Variants in RFTN1 observed in about 807,000 individuals in gnomAD.
RFTN1 encodes raftlin.
In RFTN1, 26 loss-of-function variants were observed where a neutral mutation model predicts 46.5. The ratio of observed to expected loss-of-function variants is 0.56; its 90% confidence interval spans 0.41 to 0.78. The LOEUF is 0.78. Ranked by LOEUF, RFTN1 falls within the 30% of genes least tolerant of loss-of-function variation. The pLI is 0.00. For synonymous variants in RFTN1, 261 were observed against 284.2 expected (o/e 0.92, Z 0.82); for missense variants, 693 against 718.7 (o/e 0.96, Z 0.41).
rs2076093603 is a variant in RFTN1 at position 16,466,446 on chromosome 3, C to T, written c.145+27279G>A. On this transcript the variant is annotated intron_variant, in intron 2 of 9. Coordinates refer to ENST00000334133, the MANE Select transcript of RFTN1 (RefSeq NM_015150.2). This position sits in a 1 kb window ranked among gnomAD's most constrained non-coding sequence, Gnocchi z 5.6. ...GAAGTGACCTCCAACATCATATACTCCAAATTCCTCAACTGGTGGTTCATG... is the reference window on the plus strand; with the variant it reads ...GAAGTGACCTCCAACATCATATACTTCAAATTCCTCAACTGGTGGTTCATG... Among the ~76,000 whole-genome samples, 1 of 152,160 alleles carries T rather than the reference C, an allele frequency of 6.6e-6. No individual in the cohort carries two copies. Among genetic ancestry groups the T allele is most frequent in the African/African-American group, 2.4e-5 (1 of 41,434 alleles).
chr3:16,397,973 G>T (rs182529509), intron 4 of RFTN1, among the ~76,000 whole-genome samples: 1 of 152,254 alleles, frequency 6.6e-6, no homozygotes, highest in East Asian at 1.9e-4. Flanking sequence ...TGGGCCGGGC[G>T]CGGTGGCTCA....
chr3:16,482,850 T>G, intron 2 of RFTN1: 1 of 1,535,710 alleles, frequency 6.5e-7, no homozygotes, highest in Non-Finnish European at 8.7e-7. Flanking sequence ...GCCATGAAGA[T>G]GAAGGACTGT....
Position 16,421,643 on chromosome 3 carries a change from C to T in RFTN1, c.333-12160G>A, listed in dbSNP as rs540326630. Among the ~76,000 whole-genome samples the T allele has an allele frequency of 6.6e-6, 1 of 152,306 alleles. No homozygotes were observed. The highest frequency in any genetic ancestry group is 2.4e-5 in the African/African-American group (1 of 41,570). ...GGGATTACAGGTGTGAGCCACCACG[C>T]CCAGCCCAACATTGGTGTTTTAATC... On this transcript the variant is annotated intron_variant, in intron 3 of 9. Transcript: ENST00000334133. This position sits in a 1 kb window ranked among gnomAD's most constrained non-coding sequence, Gnocchi z 4.6.
At position 16,448,048 on chromosome 3, in the gene RFTN1, A is replaced by C. The variant is rs1311351744; in HGVS notation, c.146-14011T>G. Among the ~76,000 whole-genome samples, 1 of 151,922 alleles carries C rather than the reference A, an allele frequency of 6.6e-6. No homozygotes were observed. The highest frequency in any genetic ancestry group is 2.4e-5 in the African/African-American group (1 of 41,338). ...CACCAGCCACATGTGGCTATCGAGC[A>C]TCTGAAATGTGGCCAGTGTGATTGA... is the stretch of plus-strand genomic sequence containing the variant. On this transcript the variant is annotated intron_variant, in intron 2 of 9. Transcript: ENST00000334133. The surrounding 1 kb of genome is among the most constrained non-coding windows in gnomAD (Gnocchi z 4.1).
intron 4 of RFTN1, among the ~76,000 whole-genome samples, chr3:16,405,023 T>C (rs2074818150): frequency 6.6e-6 from 1 of 152,162 alleles, no homozygotes; most frequent in Non-Finnish European, 1.5e-5. Context: ...AACTTCAAAG[T>C]GCTCTCCAAA....
Position 16,448,537 on chromosome 3 carries a change from T to C in RFTN1, c.146-14500A>G, listed in dbSNP as rs2075772418. 6.6e-6 allele frequency among the ~76,000 whole-genome samples: 1 copy of C among 152,204 alleles called. No homozygotes were observed. The highest frequency in any genetic ancestry group is 1.5e-5 in the Non-Finnish European group (1 of 68,038). On this transcript the variant is annotated intron_variant, in intron 2 of 9. Coordinates refer to ENST00000334133, the MANE Select transcript of RFTN1 (RefSeq NM_015150.2). The surrounding 1 kb of genome is among the most constrained non-coding windows in gnomAD (Gnocchi z 4.1). ...CAATGTGGGATCAAAAGAGTAACCT[T>C]CCTTGAAGCACATTAAATTTTTTTT...
At position 16,337,265 on chromosome 3, in the gene RFTN1, C is replaced by T. The variant is rs1020810452; in HGVS notation, c.1147-10389G>A. 2.0e-5 allele frequency: 3 copies of T among 152,120 alleles called. No homozygotes were observed. Among genetic ancestry groups the T allele is most frequent in the Non-Finnish European group, 4.4e-5 (3 of 68,034 alleles). The allele number at this position is 152,120 out of a possible 1,614,324, so 9.4% of individuals were successfully genotyped here. On this transcript the variant is annotated intron_variant, in intron 7 of 9. Coordinates refer to ENST00000334133, the MANE Select transcript of RFTN1 (RefSeq NM_015150.2). This position sits in a 1 kb window ranked among gnomAD's most constrained non-coding sequence, Gnocchi z 5.0. ...CCTGCAGGCACATGCTGAGATTAGT[C>T]GATTTCCTAAAAGTTGAAGGAAAAA...
At position 16,342,269 on chromosome 3, in the gene RFTN1, A is replaced by C. The variant is rs190856717; in HGVS notation, c.1147-15393T>G. On this transcript the variant is annotated intron_variant, in intron 7 of 9. Coordinates refer to ENST00000334133, the MANE Select transcript of RFTN1 (RefSeq NM_015150.2). This position sits in a 1 kb window ranked among gnomAD's most constrained non-coding sequence, Gnocchi z 4.0. ...CTCTATGCACTTGCCTCACCTGGAT[A>C]TTTCATATAAATGGATTCATATAAT... 6.6e-6 allele frequency among the ~76,000 whole-genome samples: 1 copy of C among 152,132 alleles called. No individual in the cohort carries two copies. Among genetic ancestry groups the C allele is most frequent in the East Asian group, 1.9e-4 (1 of 5,180 alleles).
intron 3 of RFTN1, among the ~76,000 whole-genome samples, chr3:16,423,143 G>T (rs1158576423): frequency 6.6e-6 from 1 of 151,540 alleles, no homozygotes; most frequent in Non-Finnish European, 1.5e-5. Flanking sequence ...ACTCCAGCCT[G>T]GGTGACAGAG....
chr3:16,438,585 CAAAAAAAAAAAAAAA>C (rs61019061), intron 2 of RFTN1, among the ~76,000 whole-genome samples: 18 of 30,448 alleles, frequency 5.9e-4, no homozygotes, highest in African/African-American at 8.7e-4. Context: ...AACTCTGTCT[CAAAAAAAAAAAAAAA>C]AAAAAAAAAA....
At position 16,328,627 on chromosome 3, in the gene RFTN1, G is replaced by A. The variant is rs545246756; in HGVS notation, c.1147-1751C>T. 9.8e-5 allele frequency among the ~76,000 whole-genome samples: 15 copies of A among 152,300 alleles called. No individual in the cohort carries two copies. In the East Asian group the frequency reaches 2.5e-3, roughly 25 times the overall value. On this transcript the variant is annotated intron_variant, in intron 7 of 9. Transcript: ENST00000334133. ...CGGTTCCCAAAGCATGGCCCGAGCC[G>A]GCAGCATCAGCATCACCTGGCAACT...
rs957566260 is a variant in RFTN1, at chr3:16,499,687, G to C, written c.-8-5810C>G. On this transcript the variant is annotated intron_variant, in intron 1 of 9. Transcript: ENST00000334133. This position sits in a 1 kb window ranked among gnomAD's most constrained non-coding sequence, Gnocchi z 4.9. ...ATACCATAAGCAACTTATATACCAA[G>C]TCTGCTCGAAATGACCATGGCCTGC... Among the ~76,000 whole-genome samples, 1 of 152,216 alleles carries C rather than the reference G, an allele frequency of 6.6e-6. No individual in the cohort carries two copies.
intron 2 of RFTN1, among the ~76,000 whole-genome samples, chr3:16,493,509 A>C (rs1007907158): frequency 2.6e-5 from 4 of 152,190 alleles, no homozygotes; most frequent in African/African-American, 9.6e-5. Flanking sequence ...CTGGGATTAC[A>C]GGCGTGAACC....
intron 2 of RFTN1, among the ~76,000 whole-genome samples, chr3:16,478,706 C>T (rs2076321097): frequency 6.6e-6 from 1 of 152,174 alleles, no homozygotes; most frequent in Admixed American, 6.5e-5. Flanking sequence ...AGATCCACTT[C>T]CAAGCTCATG....
rs1029411655 is a variant in RFTN1 at position 16,427,266 on chromosome 3, T to A, written c.332+6585A>T. Among the ~76,000 whole-genome samples the A allele has an allele frequency of 6.6e-5, 10 of 152,166 alleles. No homozygotes were observed. The highest frequency in any genetic ancestry group is 9.7e-5 in the African/African-American group (4 of 41,428). On this transcript the variant is annotated intron_variant, in intron 3 of 9. Coordinates refer to ENST00000334133, the MANE Select transcript of RFTN1 (RefSeq NM_015150.2). This position sits in a 1 kb window ranked among gnomAD's most constrained non-coding sequence, Gnocchi z 5.4. The stretch of plus-strand genomic sequence containing the variant: ...CATAGGACAGAGCTAAGGCATTGAC[T>A]CACTACTTCCCAAGAGTCCCCATTC...
intron 3 of RFTN1, among the ~76,000 whole-genome samples, chr3:16,420,628 G>A (rs2075166325): frequency 6.6e-6 from 1 of 152,162 alleles, no homozygotes; most frequent in Non-Finnish European, 1.5e-5. Context: ...TGATAGAAAT[G>A]TTCTATATCT....
chr3:16,392,235 C>G (rs1274175300), intron 4 of RFTN1, among the ~76,000 whole-genome samples: 2 of 152,038 alleles, frequency 1.3e-5, no homozygotes, highest in Non-Finnish European at 2.9e-5. Context: ...TTCTCAAAAC[C>G]CTCAGAAAAG....
At position 16,387,431 on chromosome 3, in the gene RFTN1, T is replaced by C. The variant is rs1392650000; in HGVS notation, c.442-9329A>G. ...AGCTGAGAAGCCCATCCCCATGTCC[T>C]CTTCTGGCCCTCCACTCTTTGTCCC... is the stretch of plus-strand genomic sequence containing the variant. On this transcript the variant is annotated intron_variant, in intron 4 of 9. Transcript: ENST00000334133. The surrounding 1 kb of genome is among the most constrained non-coding windows in gnomAD (Gnocchi z 5.2). Among the ~76,000 whole-genome samples, 5 of 152,088 alleles carry C rather than the reference T, an allele frequency of 3.3e-5. No homozygotes were observed. Among genetic ancestry groups the C allele is most frequent in the African/African-American group, 1.2e-4 (5 of 41,404 alleles).
intron 3 of RFTN1, among the ~76,000 whole-genome samples, chr3:16,423,033 TG>T (rs966905793): frequency 1.3e-5 from 2 of 151,770 alleles, no homozygotes; most frequent in Non-Finnish European, 2.9e-5. Flanking sequence ...CCGGGCATGG[TG>T]GTTGGTGCCT....
Sources: allele counts gnomAD v4.1 joint callset (sites outside exome capture counted in the v4.1 genomes callset), GRCh38; gene constraint gnomAD v4.1.1; non-coding constraint Gnocchi (gnomAD v3.1); transcripts MANE v1.5; gene names NCBI Gene and HGNC (gene_info 2026-07-23, HGNC 2026-07-21).